The following DENND3 variants were observed in gnomAD, a reference collection of about 807,000 sequenced individuals.
DENND3 encodes DENN domain-containing protein 3.
In DENND3, 88 loss-of-function variants were observed where a neutral mutation model predicts 135.1. The ratio of observed to expected loss-of-function variants is 0.65; its 90% confidence interval spans 0.55 to 0.78. DENND3 has a LOEUF of 0.78. DENND3 is among the 30% of genes least tolerant of loss of function. The pLI is 0.00. For missense variants in DENND3, 1,392 were observed against 1,688.4 expected, an observed-to-expected ratio of 0.82 and a Z score of 3.08; for synonymous variants, 693 against 712.3, an observed-to-expected ratio of 0.97 and a Z score of 0.43.
chr8:141,158,353 G>A (rs1322178202), intron 8 of DENND3: 2 of 1,207,132 alleles, frequency 1.7e-6, no homozygotes, highest in Non-Finnish European at 2.1e-6. Context: ...AGCTTTGTGA[G>A]ACTGTGTTGA....
In DENND3 at chr8:141,137,190, G is replaced by A. The variant is rs1437391111; in HGVS notation, c.385+399G>A. Among the ~76,000 whole-genome samples the A allele has an allele frequency of 6.6e-6, 1 of 152,134 alleles. No individual in the cohort carries two copies. The highest frequency in any genetic ancestry group is 2.1e-4 in the South Asian group (1 of 4,826). On this transcript the variant is annotated intron_variant, in intron 2 of 22. Transcript: ENST00000519811. This position sits in a 1 kb window ranked among gnomAD's most constrained non-coding sequence, Gnocchi z 4.1. Reference sequence around the variant, plus strand: ...AAATGGGGTTTCACCATGTTGGCCAGGCTGGTCTTGAACTCTTGGCCTCAA... The same window carrying A: ...AAATGGGGTTTCACCATGTTGGCCAAGCTGGTCTTGAACTCTTGGCCTCAA...
At chr8:141,158,048 CCG>C in intron 8 of DENND3, 1 of 1,194,988 alleles carries the variant, frequency 8.4e-7, no homozygotes, top group Non-Finnish European at 1.1e-6. Flanking sequence ...GCGTGAGCCA[CCG>C]CGCCCAGTCG....
intron 7 of DENND3, among the ~76,000 whole-genome samples, chr8:141,152,187 C>G (rs1192148262): frequency 6.6e-6 from 1 of 152,220 alleles, no homozygotes; most frequent in Non-Finnish European, 1.5e-5. Flanking sequence ...AGTTGGTGAG[C>G]TGATGGATTT....
Position 141,175,856 on chromosome 8 carries a change from C to A in DENND3, c.2535+397C>A, listed in dbSNP as rs1822262910. The A allele has an allele frequency of 3.7e-6, 1 of 268,564 alleles. No individual in the cohort carries two copies. Among genetic ancestry groups the A allele is most frequent in the Non-Finnish European group, 7.4e-6 (1 of 135,468 alleles). The allele number at this position is 268,564 out of a possible 1,614,324, so 16.6% of individuals were successfully genotyped here. Reference sequence around the variant, plus strand: ...GGTGAGCTACAGTAGCTCACATTTTCTAGTCACAGTCGGACCTGGTTCATA... The same window carrying A: ...GGTGAGCTACAGTAGCTCACATTTTATAGTCACAGTCGGACCTGGTTCATA... On this transcript the variant is annotated intron_variant, in intron 14 of 22. Transcript: ENST00000519811. This position sits in a 1 kb window ranked among gnomAD's most constrained non-coding sequence, Gnocchi z 5.4.
chr8:141,192,640 T>G lies in DENND3; in HGVS notation c.3613T>G (p.Cys1205Gly). 1.9e-6 allele frequency: 3 copies of G among 1,606,010 alleles called. No homozygotes were observed. Among genetic ancestry groups the G allele is most frequent in the Non-Finnish European group, 2.6e-6 (3 of 1,174,810 alleles). ...CCTCGAGGACTGCTCTGAGATCAAC[T>G]GCATGATCCGGGTGAAGAAGCAGGT... is the stretch of plus-strand genomic sequence containing the variant. ...VPLEDCSEIN[C>G]MIRVKKQVWV... The change falls in exon 22 of 23, where the codon TGC becomes GGC. Residue 1205 changes from cysteine (C) to glycine (G), a missense_variant. Coordinates refer to ENST00000519811, the MANE Select transcript of DENND3 (RefSeq NM_001352890.3).
chr8:141,158,816 G>A (rs307750), intron 8 of DENND3, among the ~76,000 whole-genome samples: 8,041 of 152,216 alleles, frequency 0.053, 704 homozygotes, highest in African/African-American at 0.18. Context: ...GGGTAGGGTC[G>A]CCAGCTCAGG....
rs1395879729 is a variant in DENND3 at position 141,128,778 on chromosome 8, C to A, written c.71C>A (p.Ala24Asp). ...GLLELCALLG[A>D]PRDSLRSLEQ... ...CTGGAGCTCTGCGCGCTGCTGGGCGCCCCCCGGGACAGTCTCCGAAGTCTC... is the reference window on the plus strand; with the variant it reads ...CTGGAGCTCTGCGCGCTGCTGGGCGACCCCCGGGACAGTCTCCGAAGTCTC... Residue 24 changes from alanine to aspartate, a missense_variant, in exon 1 of 23, where the codon GCC (alanine) becomes GAC (aspartate). Ala to Asp is a moderately radical substitution (Grantham distance 126, BLOSUM62 -2). Transcript: ENST00000519811. The surrounding 1 kb of genome is among the most constrained non-coding windows in gnomAD (Gnocchi z 4.5). 2 of 1,459,400 alleles carry A rather than the reference C, an allele frequency of 1.4e-6. No individual in the cohort carries two copies. The highest frequency in any genetic ancestry group is 9.0e-7 in the Non-Finnish European group (1 of 1,106,214). 90.4% of individuals were successfully genotyped at this position (1,459,400 alleles called of 1,614,324 possible).
chr8:141,149,156 C>T (rs1442090216), intron 5 of DENND3, among the ~76,000 whole-genome samples: 7 of 152,160 alleles, frequency 4.6e-5, no homozygotes, highest in East Asian at 1.9e-4. Context: ...GTGATCCGCC[C>T]GCCTCAGCCT....
chr8:141,169,638 C>T (rs1821259759), intron 13 of DENND3, among the ~76,000 whole-genome samples: 1 of 152,208 alleles, frequency 6.6e-6, no homozygotes, highest in South Asian at 2.1e-4. Flanking sequence ...GAGCCACTGT[C>T]CGAAGCTGGA....
In DENND3 at chr8:141,138,126, C is replaced by T. The variant is rs771387655; in HGVS notation, c.490C>T (p.Arg164Trp). The T allele has an allele frequency of 6.2e-6, 10 of 1,604,850 alleles. No individual in the cohort carries two copies. Among genetic ancestry groups the T allele is most frequent in the East Asian group, 2.2e-5 (1 of 44,684 alleles). Reference protein sequence around the residue: ...RTYGVVAQYYRPLHDEYCFYN... With the variant: ...RTYGVVAQYYWPLHDEYCFYN... ...CTATGGCGTGGTGGCCCAGTACTAC[C>T]GGCCCCTGCATGTAGGTGGTTCCCG... is the stretch of plus-strand genomic sequence containing the variant. Residue 164 changes from arginine (R) to tryptophan (W), a missense_variant, in exon 3 of 23, where the codon CGG becomes TGG. Coordinates refer to ENST00000519811, the MANE Select transcript of DENND3 (RefSeq NM_001352890.3). The surrounding 1 kb of genome is among the most constrained non-coding windows in gnomAD (Gnocchi z 4.8).
At position 141,135,056 on chromosome 8, in the gene DENND3, G is replaced by A. The variant is rs192598310; in HGVS notation, c.103-1453G>A. Among the ~76,000 whole-genome samples, 1,021 of 152,240 alleles carry A rather than the reference G, an allele frequency of 6.7e-3. 20 individuals carry two copies. The highest frequency in any genetic ancestry group is 0.024 in the African/African-American group (982 of 41,522). ...GGGTTTCACTGTGTTAGCCAGGATG[G>A]TCTCGATCTGACCTCGTGATCTGCC... On this transcript the variant is annotated intron_variant, in intron 1 of 22. Coordinates refer to ENST00000519811, the MANE Select transcript of DENND3 (RefSeq NM_001352890.3).
intron 4 of DENND3, 171 bp from the exon 5 acceptor site, chr8:141,143,977 C>T (rs1244545591): frequency 2.8e-5 from 16 of 569,480 alleles, no homozygotes; most frequent in Non-Finnish European, 4.9e-5. Flanking sequence ...TACCGCAGAC[C>T]TGGGGCCACT....
intron 1 of DENND3, among the ~76,000 whole-genome samples, chr8:141,132,714 C>T (rs955207615): frequency 6.6e-6 from 1 of 152,132 alleles, no homozygotes; most frequent in Admixed American, 6.5e-5. Flanking sequence ...GAAAAGACAA[C>T]AGAGATTTCA....
At position 141,136,673 on chromosome 8, in the gene DENND3, G is replaced by A; in HGVS notation, c.267G>A (p.Glu89=). Residue 89 remains glutamate (E), a synonymous_variant, in exon 2 of 23, where the codon GAG becomes GAA. Transcript: ENST00000519811. ...TRMRSLRKKR[E]KPRPEQWKGL... ...TGCGCTCCTTGAGAAAGAAGAGAGA[G>A]AAGCCCAGACCAGAGCAGTGGAAGG... is the stretch of plus-strand genomic sequence containing the variant. The A allele has an allele frequency of 5.0e-6, 8 of 1,613,414 alleles. No homozygotes were observed. Among genetic ancestry groups the A allele is most frequent in the African/African-American group, 1.3e-5 (1 of 75,052 alleles).
chr8:141,137,987 G>A lies in DENND3; in HGVS notation c.386-35G>A, dbSNP rs1816978160. On this transcript the variant is annotated intron_variant, in intron 2 of 22. Coordinates refer to ENST00000519811, the MANE Select transcript of DENND3 (RefSeq NM_001352890.3). The surrounding 1 kb of genome is among the most constrained non-coding windows in gnomAD (Gnocchi z 4.1). The stretch of plus-strand genomic sequence containing the variant: ...GTGGGTAACCCAGGCCACTTGGCAA[G>A]AACAGGATTCTTCTCTGTCTCTTTC... The A allele has an allele frequency of 1.3e-6, 2 of 1,560,098 alleles. No homozygotes were observed. The highest frequency in any genetic ancestry group is 1.9e-5 in the Admixed American group (1 of 52,232).
intron 1 of DENND3, among the ~76,000 whole-genome samples, chr8:141,133,316 C>CTA (rs35611256): frequency 0.25 from 38,156 of 152,046 alleles, 7,409 homozygotes; most frequent in African/African-American, 0.52. Flanking sequence ...GTGCACTGTC[C>CTA]TGACTCATGC....
chr8:141,145,864 T>TTG (rs1818059473), intron 5 of DENND3, among the ~76,000 whole-genome samples: 1 of 137,124 alleles, frequency 7.3e-6, no homozygotes, highest in African/African-American at 2.9e-5. Context: ...TTTTTTTTTT[T>TTG]TTGAGGCGGA....
intron 13 of DENND3, among the ~76,000 whole-genome samples, chr8:141,172,254 C>T (rs1054782906): frequency 5.9e-5 from 9 of 151,684 alleles, no homozygotes; most frequent in African/African-American, 1.7e-4. Context: ...TGGGTGTGCA[C>T]GGTGGTGGGT....
chr8:141,189,923 C>T (rs985657971), intron 19 of DENND3, among the ~76,000 whole-genome samples: 4 of 152,184 alleles, frequency 2.6e-5, no homozygotes, highest in African/African-American at 4.8e-5. Context: ...ACGGGGACCG[C>T]TGACGAGGTT....
Sources: gnomAD v4.1 joint callset for allele counts (sites outside exome capture counted in the v4.1 genomes callset) on GRCh38, gnomAD v4.1.1 for gene constraint, Gnocchi (gnomAD v3.1) non-coding constraint, MANE v1.5 for transcripts, NCBI Gene and HGNC (gene_info 2026-07-23, HGNC 2026-07-21) for gene names.